The following C5orf58 variants were observed in gnomAD, a reference collection of about 807,000 sequenced individuals.
C5orf58 encodes the protein putative uncharacterized protein C5orf58.
C5orf58 carries 2 observed loss-of-function variants against 2.9 expected under a neutral mutation model. The ratio of observed to expected loss-of-function variants is 0.69; its 90% confidence interval spans 0.28 to 2.18. The LOEUF (loss-of-function observed/expected upper bound fraction) is 2.18, where lower values mean the gene tolerates loss of function less well. Ranked by LOEUF, C5orf58 falls within the 30% of genes most tolerant of loss-of-function variation. The pLI is 0.13. For missense variants in C5orf58, 96 were observed against 91.7 expected, an observed-to-expected ratio of 1.05 and a Z score of -0.19; for synonymous variants, 37 against 33.4, an observed-to-expected ratio of 1.11 and a Z score of -0.37.
intron 3 of C5orf58, among the ~76,000 whole-genome samples, chr5:170,241,865 T>C (rs201179608): frequency 0.5 from 74,458 of 149,130 alleles, 18,816 homozygotes; most frequent in African/African-American, 0.53. Flanking sequence ...CAGTTTTCAA[T>C]GGGAATGCTT....
chr5:170,248,505 G>A, downstream of C5orf58: 1 of 568,840 alleles, frequency 1.8e-6, no homozygotes, highest in Non-Finnish European at 3.1e-6. Flanking sequence ...AAACATTGAA[G>A]AAGAATAAAT....
chr5:170,245,548 G>T (rs1271895142), intron 3 of C5orf58, among the ~76,000 whole-genome samples: 1 of 152,150 alleles, frequency 6.6e-6, no homozygotes, highest in Non-Finnish European at 1.5e-5. Context: ...AGGTGCGTCC[G>T]TCACCCCTTT....
downstream of C5orf58, chr5:170,248,536 G>A: frequency 1.4e-6 from 1 of 719,458 alleles, no homozygotes; most frequent in Non-Finnish European, 2.4e-6. Flanking sequence ...ATAGTTGACA[G>A]TCTTCATTTC....
chr5:170,247,974 C>T (rs1761337617), downstream of C5orf58: 1 of 152,112 alleles, frequency 6.6e-6, no homozygotes, highest in African/African-American at 2.4e-5. Flanking sequence ...AGTCTCATCC[C>T]TAAATTTAAA....
chr5:170,244,425 G>A (rs369311320), intron 3 of C5orf58, among the ~76,000 whole-genome samples: 5 of 147,702 alleles, frequency 3.4e-5, no homozygotes, highest in African/African-American at 5.0e-5. Context: ...CCAATCAGAC[G>A]TAGATTTGGT....
At chr5:170,247,186 T>A (rs1761317848), downstream of C5orf58, 1 of 152,188 alleles carries the variant, frequency 6.6e-6, no homozygotes, top group Non-Finnish European at 1.5e-5. Flanking sequence ...ACTAAGTAAA[T>A]ACTTGCTGAA....
chr5:170,252,525 T>G, downstream of C5orf58: 1 of 1,376,526 alleles, frequency 7.3e-7, no homozygotes, highest in South Asian at 1.2e-5. Context: ...AAAATGTAAA[T>G]TTTTAGAAAC....
chr5:170,235,600 C>T (rs750315085), intron 3 of C5orf58, among the ~76,000 whole-genome samples: 12 of 152,204 alleles, frequency 7.9e-5, no homozygotes, highest in Non-Finnish European at 1.5e-4. Flanking sequence ...TAATCTATCC[C>T]TGACCAAACA....
At chr5:170,250,846 T>C (rs1329768890), downstream of C5orf58, 5 of 1,613,678 alleles carry the variant, frequency 3.1e-6, no homozygotes, top group East Asian at 4.5e-5. Flanking sequence ...GGATTGGTTG[T>C]TGTTTTTTTA....
chr5:170,237,373 C>G (rs1283020719), intron 3 of C5orf58: 1 of 398,242 alleles, frequency 2.5e-6, no homozygotes, highest in Non-Finnish European at 4.4e-6. Flanking sequence ...GAGGTAGGAA[C>G]TATTGCCATT....
chr5:170,239,069 G>T (rs560286985), intron 3 of C5orf58, among the ~76,000 whole-genome samples: 3 of 152,308 alleles, frequency 2.0e-5, no homozygotes, highest in Non-Finnish European at 2.9e-5. Context: ...AAATCAGAAG[G>T]CTCCAGGAGA....
At chr5:170,248,957 A>G (rs192267923), downstream of C5orf58, 191 of 790,510 alleles carry the variant, frequency 2.4e-4, 1 homozygote, top group East Asian at 4.0e-3. Flanking sequence ...TAAATGTGGC[A>G]ATTAGTTTAA....
chr5:170,237,226 G>C (rs1421618772), intron 3 of C5orf58: 5 of 398,152 alleles, frequency 1.3e-5, no homozygotes, highest in Non-Finnish European at 2.2e-5. Context: ...AAATGTAGAG[G>C]ATTAAATGAA....
chr5:170,251,425 T>C (rs1249164808), intron 2 of C5orf58: 1 of 215,090 alleles, frequency 4.6e-6, no homozygotes, highest in Non-Finnish European at 9.8e-6. Context: ...CTTTTCTTTT[T>C]TCTGATATTT....
chr5:170,243,571 G>A (rs1168171060), intron 3 of C5orf58, among the ~76,000 whole-genome samples: 1 of 151,772 alleles, frequency 6.6e-6, no homozygotes, highest in African/African-American at 2.4e-5. Flanking sequence ...TTGGTTTAAA[G>A]TCTGTTTTAT....
Position 170,233,785 on chromosome 5 carries a change from G to A in C5orf58, c.-84-330G>A, listed in dbSNP as rs939590275. ...CTGTCCTGCCTCCAGTCCAGTCCCAGCTACATTGTTGTGTAGCACCCCACT... is the reference window on the plus strand; with the variant it reads ...CTGTCCTGCCTCCAGTCCAGTCCCAACTACATTGTTGTGTAGCACCCCACT... On this transcript the variant is annotated intron_variant, in intron 1 of 3. Transcript: ENST00000593851. The A allele has an allele frequency of 5.3e-5, 14 of 261,754 alleles. 1 individual carries two copies. The highest frequency in any genetic ancestry group is 3.0e-4 in the African/African-American group (13 of 43,202). The allele number at this position is 261,754 out of a possible 1,614,324, so 16.2% of individuals were successfully genotyped here.
intron 3 of C5orf58, among the ~76,000 whole-genome samples, chr5:170,245,471 C>A (rs139240368): frequency 3.3e-5 from 5 of 152,334 alleles, no homozygotes; most frequent in Admixed American, 1.3e-4. Context: ...GATATAATCT[C>A]GTGGTGCGCC....
chr5:170,245,939 A>G, intron 3 of C5orf58, 23 bp from the exon 4 acceptor site: 1 of 1,600,760 alleles, frequency 6.2e-7, no homozygotes, highest in Non-Finnish European at 8.5e-7. Flanking sequence ...ACAATATAAT[A>G]TCTCCTGTTT....
chr5:170,233,421 A>G (rs1760600449), intron 1 of C5orf58: 1 of 152,220 alleles, frequency 6.6e-6, no homozygotes, highest in East Asian at 1.9e-4. Flanking sequence ...GGGGGTCTTC[A>G]TGGGCAGTTG....
Sources: allele counts gnomAD v4.1 joint callset (sites outside exome capture counted in the v4.1 genomes callset), GRCh38; gene constraint gnomAD v4.1.1; transcripts MANE v1.5; gene names NCBI Gene and HGNC (gene_info 2026-07-23, HGNC 2026-07-21).